NSUN2: variants seen among roughly 807,000 people sequenced by gnomAD.
The protein encoded by NSUN2 is NOP2/Sun RNA methyltransferase 2.
In NSUN2, 63 loss-of-function variants were observed where a neutral mutation model predicts 92.7. The observed-to-expected ratio is 0.68, with a 90% CI of 0.56 to 0.84. The LOEUF (loss-of-function observed/expected upper bound fraction) is 0.84. Among genes scored for constraint, NSUN2 ranks in the 40% least tolerant of loss-of-function variants. The pLI is 0.00. For synonymous variants in NSUN2, 356 were observed against 348.3 expected (o/e 1.02, Z -0.25); for missense variants, 989 against 964.9 (o/e 1.02, Z -0.33).
intron 4 of NSUN2, 96 bp from the exon 5 acceptor site, chr5:6,623,381 C>T: frequency 2.0e-6 from 2 of 1,010,192 alleles, no homozygotes; most frequent in South Asian, 3.1e-5. Flanking sequence ...AACAGGAAAA[C>T]AGCACATAAT....
intron 11 of NSUN2, among the ~76,000 whole-genome samples, chr5:6,610,253 T>C (rs1432913430): frequency 6.6e-6 from 1 of 151,998 alleles, no homozygotes. Flanking sequence ...TCTTTTTTTT[T>C]TTCTGTAGAG....
chr5:6,627,089 A>G (rs1209780096), intron 3 of NSUN2, among the ~76,000 whole-genome samples: 1 of 152,154 alleles, frequency 6.6e-6, no homozygotes, highest in African/African-American at 2.4e-5. Context: ...CCACCCTCCA[A>G]AGGTCCCCAG....
intron 3 of NSUN2, among the ~76,000 whole-genome samples, chr5:6,626,380 CTT>C (rs34809741): frequency 2.1e-5 from 3 of 145,742 alleles, no homozygotes; most frequent in African/African-American, 2.5e-5. Context: ...AAAACACTGC[CTT>C]TTTTTTTTTG....
In NSUN2 at chr5:6,630,435, G is replaced by C. The variant is rs146435600; in HGVS notation, c.359+1438C>G. On this transcript the variant is annotated intron_variant, in intron 3 of 18. Coordinates refer to ENST00000264670, the MANE Select transcript of NSUN2 (RefSeq NM_017755.6). The stretch of plus-strand genomic sequence containing the variant: ...ATTCTCATGCCTCAGCCTCCCTAGT[G>C]TCTGGGATTACAGGCGTGTGCCACC... 7.7e-3 allele frequency among the ~76,000 whole-genome samples: 1,166 copies of C among 152,226 alleles called. 9 individuals are homozygous for C. The highest frequency in any genetic ancestry group is 0.013 in the Admixed American group (200 of 15,300).
intron 10 of NSUN2, 75 bp from the exon 11 acceptor site, chr5:6,611,160 C>A: frequency 6.5e-7 from 1 of 1,527,252 alleles, no homozygotes; most frequent in Admixed American, 1.7e-5. Context: ...CAGGAGTATC[C>A]ATTCTCTCAA....
At chr5:6,615,173 G>A (rs1737157871) in intron 9 of NSUN2, among the ~76,000 whole-genome samples, 2 of 151,858 alleles carry the variant, frequency 1.3e-5, no homozygotes, top group Admixed American at 1.3e-4. Flanking sequence ...AATGCAGTGA[G>A]TGCGCCCAGG....
chr5:6,624,712 C>T (rs1186407570), intron 4 of NSUN2, among the ~76,000 whole-genome samples: 1 of 152,140 alleles, frequency 6.6e-6, no homozygotes, highest in Non-Finnish European at 1.5e-5. Context: ...GCCAGGCAGA[C>T]ACAAGCCCAG....
chr5:6,616,328 G>A (rs1485754938), intron 9 of NSUN2, among the ~76,000 whole-genome samples: 2 of 152,168 alleles, frequency 1.3e-5, no homozygotes, highest in Non-Finnish European at 2.9e-5. Context: ...GCCTTAATAA[G>A]CAATGCAATT....
At chr5:6,625,995 G>A (rs1255789962) in intron 3 of NSUN2, among the ~76,000 whole-genome samples, 1 of 152,092 alleles carries the variant, frequency 6.6e-6, no homozygotes, top group Non-Finnish European at 1.5e-5. Context: ...ACCATTATAA[G>A]GTAACAATGG....
intron 3 of NSUN2, among the ~76,000 whole-genome samples, chr5:6,631,618 G>A (rs907013540): frequency 6.6e-6 from 1 of 152,238 alleles, no homozygotes; most frequent in Admixed American, 6.5e-5. Flanking sequence ...CGGAAGTGGT[G>A]ACATAAAGGA....
chr5:6,614,408 C>T (rs1206174251), intron 9 of NSUN2, among the ~76,000 whole-genome samples: 1 of 152,112 alleles, frequency 6.6e-6, no homozygotes, highest in African/African-American at 2.4e-5. Context: ...TTCTTTTTCA[C>T]CCTGCAGCTC....
chr5:6,621,920 T>C (rs1737463581), intron 6 of NSUN2, 96 bp downstream of exon 6: 3 of 1,056,046 alleles, frequency 2.8e-6, no homozygotes, highest in Non-Finnish European at 2.9e-6. Flanking sequence ...TAGGAGACTT[T>C]AGAGCCAAAT....
intron 15 of NSUN2, 89 bp downstream of exon 15, chr5:6,605,184 C>G: frequency 6.5e-7 from 1 of 1,546,564 alleles, no homozygotes; most frequent in Non-Finnish European, 8.8e-7. Flanking sequence ...GGGCAGATGT[C>G]ACGGTCTGCT....
At position 6,631,876 on chromosome 5, in the gene NSUN2, C is replaced by G. The variant is rs749034631; in HGVS notation, c.356G>C (p.Ser119Thr). The change falls in exon 3 of 19, where the codon AGT (serine) becomes ACT (threonine). Residue 119 changes from serine to threonine, a missense_variant. Around this residue, in one of 3 missense-constraint regions of NSUN2, gnomAD observed 356 missense variants for 338.6 expected, o/e 1.05. Transcript: ENST00000264670. ...GQKVEVPQPL[S>T]WYPEELAWHT... ...CATGAAGCACTGTGGTACCTACCAACTCAGTGGCTGTGGAACTTCAACTTT... is the reference window on the plus strand; with the variant it reads ...CATGAAGCACTGTGGTACCTACCAAGTCAGTGGCTGTGGAACTTCAACTTT... The G allele has an allele frequency of 2.5e-6, 4 of 1,607,110 alleles. No homozygotes were observed. The highest frequency in any genetic ancestry group is 3.4e-6 in the Non-Finnish European group (4 of 1,173,860).
At position 6,610,924 on chromosome 5, in the gene NSUN2, C is replaced by A. The variant is rs752446183; in HGVS notation, c.1226+31G>T. The stretch of plus-strand genomic sequence containing the variant: ...CAGGGATGGGGCTTAACCTTCCCCC[C>A]TCCCCACACCTGGAGGCCCCACCAG... On this transcript the variant is annotated intron_variant, in intron 11 of 18. Transcript: ENST00000264670. 8.1e-6 allele frequency: 13 copies of A among 1,612,756 alleles called. No individual in the cohort carries two copies. In the South Asian group the frequency reaches 1.3e-4, roughly 16 times the overall value.
chr5:6,602,541 T>G, intron 17 of NSUN2, 41 bp from the exon 18 acceptor site: 1 of 1,597,240 alleles, frequency 6.3e-7, no homozygotes, highest in Non-Finnish European at 8.6e-7. Context: ...GTTTTCCAGG[T>G]AGTGGATGCA....
At chr5:6,626,903 A>G (rs1237878037) in intron 3 of NSUN2, among the ~76,000 whole-genome samples, 1 of 152,224 alleles carries the variant, frequency 6.6e-6, no homozygotes, top group Non-Finnish European at 1.5e-5. Context: ...TGAAAATAAA[A>G]CTGGAATGTC....
In NSUN2 at chr5:6,632,611, G is replaced by A. The variant is rs749369261; in HGVS notation, c.242C>T (p.Thr81Ile). The A allele has an allele frequency of 3.7e-6, 6 of 1,614,060 alleles. No individual in the cohort carries two copies. The Admixed American group carries it at 5.0e-5, about 13-fold the overall frequency. ...REPLPATLRI[T>I]GYKSHAKEIL... ...ACTGCCTCCCTACCTTTTGTAACCAGTAATTCTTAAAGTGGCCGGGAGCGG... is the reference window on the plus strand; with the variant it reads ...ACTGCCTCCCTACCTTTTGTAACCAATAATTCTTAAAGTGGCCGGGAGCGG... The change falls in exon 2 of 19, where the codon ACT (threonine) becomes ATT (isoleucine). Residue 81 changes from threonine to isoleucine, a missense_variant. Thr to Ile is a moderately conservative substitution (Grantham distance 89, BLOSUM62 -1). Transcript: ENST00000264670.
At chr5:6,604,069 C>A in intron 17 of NSUN2, 69 bp downstream of exon 17, 2 of 1,416,480 alleles carry the variant, frequency 1.4e-6, no homozygotes, top group Non-Finnish European at 1.9e-6. Context: ...CCAACGCACA[C>A]CACCTGCATT....
Sources: allele counts gnomAD v4.1 joint callset (sites outside exome capture counted in the v4.1 genomes callset), GRCh38; gene constraint gnomAD v4.1.1; regional missense constraint gnomAD v4.1.1; transcripts MANE v1.5; gene names NCBI Gene and HGNC (gene_info 2026-07-23, HGNC 2026-07-21).